Variants in KIF26B observed in about 807,000 individuals in gnomAD.
The protein encoded by KIF26B is kinesin family member 26B.
KIF26B carries 63 observed loss-of-function variants against 151.2 expected under a neutral mutation model. That is an observed-to-expected ratio of 0.42 (90% confidence interval 0.34 to 0.51). KIF26B has a LOEUF of 0.51. KIF26B is among the 20% of genes least tolerant of loss of function. The pLI, the probability that KIF26B is intolerant of heterozygous loss-of-function variation, is 0.07. For synonymous variants in KIF26B, 1,357 were observed against 1,262.1 expected (o/e 1.08, Z -1.59); for missense variants, 2,813 against 2,913.6 (o/e 0.97, Z 0.79).
chr1:245,611,015 A>G (rs1412682599), intron 8 of KIF26B, among the ~76,000 whole-genome samples: 2 of 152,230 alleles, frequency 1.3e-5, no homozygotes, highest in Admixed American at 6.5e-5. Context: ...TGCTGGTTCA[A>G]TTCTGTTAAT....
intron 5 of KIF26B, among the ~76,000 whole-genome samples, chr1:245,570,958 T>G (rs768125153): frequency 6.6e-6 from 1 of 152,208 alleles, no homozygotes; most frequent in Non-Finnish European, 1.5e-5. Context: ...AAATCTAACA[T>G]GTTAAAATCT....
chr1:245,288,869 G>T (rs1671209308), intron 2 of KIF26B, among the ~76,000 whole-genome samples: 1 of 151,836 alleles, frequency 6.6e-6, no homozygotes, highest in Admixed American at 6.6e-5. Context: ...GTTTACTATT[G>T]CTAGTTCAAG....
chr1:245,607,121 A>C (rs1362504094), intron 6 of KIF26B, among the ~76,000 whole-genome samples: 1 of 151,618 alleles, frequency 6.6e-6, no homozygotes, highest in Non-Finnish European at 1.5e-5. Context: ...ATGAGGAAAG[A>C]GATCAGGAGA....
chr1:245,602,612 T>G lies in KIF26B; in HGVS notation c.1386T>G (p.Ala462=), dbSNP rs1320786080. The G allele has an allele frequency of 1.9e-6, 3 of 1,613,780 alleles. No individual in the cohort carries two copies. Among genetic ancestry groups the G allele is most frequent in the Admixed American group, 1.7e-5 (1 of 59,982 alleles). Reference sequence around the variant, plus strand: ...TGCTTCGCATCTGTTCCACCTTGGCTCGAGATACTTCAGAATCCAGCTCTT... The same window carrying G: ...TGCTTCGCATCTGTTCCACCTTGGCGCGAGATACTTCAGAATCCAGCTCTT... ...KVMLRICSTL[A]RDTSESSSFL... The change falls in exon 6 of 15, where the codon GCT becomes GCG. Residue 462 remains alanine (A), a synonymous_variant. Coordinates refer to ENST00000407071, the MANE Select transcript of KIF26B (RefSeq NM_018012.4). The surrounding 1 kb of genome is among the most constrained non-coding windows in gnomAD (Gnocchi z 4.5).
chr1:245,252,970 G>A (rs1310811387), intron 2 of KIF26B, among the ~76,000 whole-genome samples: 1 of 146,724 alleles, frequency 6.8e-6, no homozygotes, highest in Non-Finnish European at 1.5e-5. Flanking sequence ...TTTATGAAAT[G>A]TTTTCTCTAC....
chr1:245,632,839 T>C (rs2043795346), intron 9 of KIF26B, among the ~76,000 whole-genome samples: 1 of 152,094 alleles, frequency 6.6e-6, no homozygotes, highest in Admixed American at 6.5e-5. Flanking sequence ...GCCTGGGAGA[T>C]TGAGGCTGCA....
Position 245,611,977 on chromosome 1 carries a change from G to C in KIF26B, c.2098+1G>C. ...ATGGAGAAGAGCGGGAAAGGGGGAA[G>C]TAAGTCGGCCACTCCACCCTCCTGC... is the stretch of plus-strand genomic sequence containing the variant. On this transcript the variant is annotated splice_donor_variant, in intron 9 of 14. Transcript: ENST00000407071. LOFTEE classifies it high-confidence loss of function. The C allele has an allele frequency of 6.2e-7, 1 of 1,610,496 alleles. No individual in the cohort carries two copies. The highest frequency in any genetic ancestry group is 8.5e-7 in the Non-Finnish European group (1 of 1,177,324).
intron 4 of KIF26B, among the ~76,000 whole-genome samples, chr1:245,420,767 G>T (rs1658467058): frequency 2.0e-5 from 3 of 152,180 alleles, no homozygotes; most frequent in African/African-American, 7.2e-5. Context: ...CTGTAGAAAT[G>T]GTTACTACTA....
intron 4 of KIF26B, among the ~76,000 whole-genome samples, chr1:245,524,416 T>G (rs1275732987): frequency 6.6e-6 from 1 of 152,208 alleles, no homozygotes; most frequent in Non-Finnish European, 1.5e-5. Context: ...TTTATTATTC[T>G]TACCCAATAA....
intron 5 of KIF26B, among the ~76,000 whole-genome samples, chr1:245,576,657 C>A (rs1312746157): frequency 2.0e-5 from 3 of 152,198 alleles, no homozygotes; most frequent in Non-Finnish European, 4.4e-5. Context: ...GATTATATAG[C>A]TAGCATTTCA....
intron 4 of KIF26B, among the ~76,000 whole-genome samples, chr1:245,480,563 C>T (rs555925297): frequency 6.6e-6 from 1 of 151,752 alleles, no homozygotes; most frequent in African/African-American, 2.4e-5. Flanking sequence ...ATAACCAGTA[C>T]ATCAAGAGTT....
chr1:245,430,921 C>A (rs1658762286), intron 4 of KIF26B, among the ~76,000 whole-genome samples: 1 of 152,186 alleles, frequency 6.6e-6, no homozygotes, highest in African/African-American at 2.4e-5. Flanking sequence ...AGAATATAAG[C>A]TCCAAATATA....
chr1:245,419,685 G>T lies in KIF26B; in HGVS notation c.1106G>T (p.Gly369Val), dbSNP rs1450508634. The change falls in exon 4 of 15, where the codon GGC becomes GTC. Residue 369 changes from glycine (G) to valine (V), a missense_variant. Gly to Val is a moderately radical substitution (Grantham distance 109, BLOSUM62 -3). Around this residue, in one of 3 missense-constraint regions of KIF26B, gnomAD observed 676 missense variants for 688.1 expected, o/e 0.98. Coordinates refer to ENST00000407071, the MANE Select transcript of KIF26B (RefSeq NM_018012.4). ...PSACSVPASQ[G>V]SCVASETSTG... is the part of the protein sequence containing the mutation. The stretch of plus-strand genomic sequence containing the variant: ...GCCTGCAGTGTCCCAGCCTCGCAGG[G>T]CTCCTGCGTGGCCAGCGAGACTTCC... 4.3e-6 allele frequency: 7 copies of T among 1,613,660 alleles called. No individual in the cohort carries two copies. The South Asian group carries it at 5.5e-5, about 13-fold the overall frequency.
intron 5 of KIF26B, among the ~76,000 whole-genome samples, chr1:245,571,837 C>T (rs554714213): frequency 8.5e-5 from 13 of 152,292 alleles, no homozygotes; most frequent in Admixed American, 1.3e-4. Context: ...CCTTGGGAGA[C>T]GTAGGAAAAT....
At chr1:245,641,907 A>G (rs906875995) in intron 9 of KIF26B, among the ~76,000 whole-genome samples, 1 of 152,218 alleles carries the variant, frequency 6.6e-6, no homozygotes, top group Non-Finnish European at 1.5e-5. Context: ...GAGAGATTAA[A>G]TATTTTAGTC....
At chr1:245,583,444 G>T (rs1475476256) in intron 5 of KIF26B, among the ~76,000 whole-genome samples, 1 of 152,104 alleles carries the variant, frequency 6.6e-6, no homozygotes, top group African/African-American at 2.4e-5. Flanking sequence ...CTCTCTGCAT[G>T]AGCTGCCTGC....
rs185475055 is a variant in KIF26B at position 245,481,140 on chromosome 1, C to T, written c.1167-59627C>T. Among the ~76,000 whole-genome samples, 53 of 151,946 alleles carry T rather than the reference C, an allele frequency of 3.5e-4. 2 individuals carry two copies. Among genetic ancestry groups the T allele is most frequent in the Admixed American group, 9.2e-4 (14 of 15,270 alleles). On this transcript the variant is annotated intron_variant, in intron 4 of 14. Coordinates refer to ENST00000407071, the MANE Select transcript of KIF26B (RefSeq NM_018012.4). ...AAGTGCCATCTTTGGAATATTTGTCCTTTAGAAAGAAGCATCTGCTTCAAA... is the reference window on the plus strand; with the variant it reads ...AAGTGCCATCTTTGGAATATTTGTCTTTTAGAAAGAAGCATCTGCTTCAAA...
chr1:245,274,652 C>T (rs1196772094), intron 2 of KIF26B, among the ~76,000 whole-genome samples: 1 of 152,078 alleles, frequency 6.6e-6, no homozygotes, highest in African/African-American at 2.4e-5. Context: ...GGGTTGGTTC[C>T]AAGTCTTTGC....
chr1:245,361,771 G>A (rs192237893), intron 2 of KIF26B, among the ~76,000 whole-genome samples: 13 of 152,306 alleles, frequency 8.5e-5, no homozygotes, highest in African/African-American at 2.9e-4. Flanking sequence ...CACACTCTGT[G>A]TTCTTTCAGA....
Sources: gnomAD v4.1 joint callset for allele counts (sites outside exome capture counted in the v4.1 genomes callset) on GRCh38, gnomAD v4.1.1 for gene constraint, gnomAD v4.1.1 regional missense constraint, Gnocchi (gnomAD v3.1) non-coding constraint, MANE v1.5 for transcripts, NCBI Gene and HGNC (gene_info 2026-07-23, HGNC 2026-07-21) for gene names.